The following AP3S1 variants were observed in gnomAD, a reference collection of about 807,000 sequenced individuals.
AP3S1 encodes adaptor related protein complex 3 subunit sigma 1.
A neutral mutation model predicts 21.3 loss-of-function variants in AP3S1; 12 were observed. The observed-to-expected ratio is 0.56, with a 90% confidence interval of 0.36 to 0.91. AP3S1 has a LOEUF of 0.91. AP3S1 is among the 40% of genes least tolerant of loss of function. The pLI, the probability that AP3S1 is intolerant of heterozygous loss-of-function variation, is 0.01. For synonymous variants in AP3S1, 48 were observed against 78.4 expected (o/e 0.61, Z 2.05); for missense variants, 116 against 225.0 (o/e 0.52, Z 3.10).
intron 4 of AP3S1, among the ~76,000 whole-genome samples, chr5:115,900,553 A>G (rs1751124401): frequency 6.6e-6 from 1 of 152,112 alleles, no homozygotes; most frequent in Non-Finnish European, 1.5e-5. Flanking sequence ...TTTGTTGGCG[A>G]TGGTATATAG....
chr5:115,885,952 A>G (rs979016878), intron 3 of AP3S1, among the ~76,000 whole-genome samples: 1 of 152,068 alleles, frequency 6.6e-6, no homozygotes, highest in Non-Finnish European at 1.5e-5. Flanking sequence ...GACAGTTCAA[A>G]TTTTTGCTTT....
At position 115,866,726 on chromosome 5, in the gene AP3S1, A is replaced by G; in HGVS notation, c.126A>G (p.Arg42=). The change falls in exon 2 of 6, where the codon AGA becomes AGG. Residue 42 remains arginine, a synonymous_variant. Coordinates refer to ENST00000316788, the MANE Select transcript of AP3S1 (RefSeq NM_001284.4). ...IRETFHLVSK[R]DENVCNFLEG... ...AGACTTTCCATTTGGTATCTAAGAG[A>G]GATGAAAATGTTTGTAATTTCCTAG... 6.2e-7 allele frequency: 1 copy of G among 1,605,294 alleles called. No individual in the cohort carries two copies. The highest frequency in any genetic ancestry group is 8.5e-7 in the Non-Finnish European group (1 of 1,174,786).
intron 3 of AP3S1, 29 bp downstream of exon 3, chr5:115,870,157 T>G: frequency 8.2e-7 from 1 of 1,216,620 alleles, no homozygotes; most frequent in Non-Finnish European, 1.2e-6. Context: ...CTTACTATCT[T>G]AAATAACAGT....
chr5:115,845,693 G>C (rs1762004337), intron 1 of AP3S1, among the ~76,000 whole-genome samples: 1 of 151,574 alleles, frequency 6.6e-6, no homozygotes, highest in South Asian at 2.1e-4. Flanking sequence ...AATTAGCCAG[G>C]CATGGTAGCG....
intron 3 of AP3S1, among the ~76,000 whole-genome samples, chr5:115,872,512 A>C (rs535176569): frequency 6.6e-6 from 1 of 152,108 alleles, no homozygotes. Context: ...GAACGTAAAC[A>C]TGTATATATT....
chr5:115,866,480 G>GT (rs895916583), intron 1 of AP3S1, among the ~76,000 whole-genome samples, 190 bp from the exon 2 acceptor site: 17 of 151,534 alleles, frequency 1.1e-4, no homozygotes, highest in East Asian at 1.9e-4. Context: ...AAATAATTGG[G>GT]TTTTTTTTCT....
chr5:115,898,247 A>G (rs567588643), intron 4 of AP3S1, among the ~76,000 whole-genome samples: 1 of 152,346 alleles, frequency 6.6e-6, no homozygotes, highest in African/African-American at 2.4e-5. Flanking sequence ...CACTACAAAC[A>G]TGGATCAGTA....
intron 4 of AP3S1, among the ~76,000 whole-genome samples, chr5:115,897,889 CAT>C: frequency 6.6e-6 from 1 of 152,104 alleles, no homozygotes; most frequent in East Asian, 1.9e-4. Context: ...AAAGGCAAGA[CAT>C]AGGGAGGTTT....
At chr5:115,871,050 G>T (rs1015438347) in intron 3 of AP3S1, among the ~76,000 whole-genome samples, 2 of 152,206 alleles carry the variant, frequency 1.3e-5, no homozygotes, top group Non-Finnish European at 2.9e-5. Flanking sequence ...TAGGGAACTG[G>T]AATCTTTTAT....
chr5:115,901,695 CAGACGTG>C (rs938512871), intron 4 of AP3S1, among the ~76,000 whole-genome samples: 2 of 151,984 alleles, frequency 1.3e-5, no homozygotes, highest in Non-Finnish European at 2.9e-5. Flanking sequence ...GCTGGAAGTA[CAGACGTG>C]AGGCACTATG....
At chr5:115,882,806 C>G (rs1749424814) in intron 3 of AP3S1, among the ~76,000 whole-genome samples, 1 of 152,182 alleles carries the variant, frequency 6.6e-6, no homozygotes, top group Non-Finnish European at 1.5e-5. Context: ...TCACAGCCAC[C>G]CCTTCCCCCA....
At chr5:115,903,121 TA>T (rs1162366454) in intron 5 of AP3S1, 129 bp downstream of exon 5, 20 of 667,308 alleles carry the variant, frequency 3.0e-5, no homozygotes, top group Middle Eastern at 5.0e-4. Flanking sequence ...ATTCAGTTTT[TA>T]AAAAATGGAA....
intron 3 of AP3S1, among the ~76,000 whole-genome samples, chr5:115,871,666 C>T (rs1250871243): frequency 6.6e-6 from 1 of 152,056 alleles, no homozygotes; most frequent in Non-Finnish European, 1.5e-5. Context: ...CACACCCATA[C>T]ATCTGAACAT....
At chr5:115,909,079 A>T in intron 5 of AP3S1, 1 of 634,160 alleles carries the variant, frequency 1.6e-6, no homozygotes, top group Non-Finnish European at 1.9e-6. Context: ...ATTATGCTGT[A>T]TTCAAACTTG....
At chr5:115,861,552 A>G (rs1055531602) in intron 1 of AP3S1, among the ~76,000 whole-genome samples, 3 of 152,072 alleles carry the variant, frequency 2.0e-5, no homozygotes, top group African/African-American at 7.2e-5. Context: ...TTAAAAAGTT[A>G]TTATTAAAAA....
chr5:115,886,266 G>T (rs915897895), intron 3 of AP3S1, among the ~76,000 whole-genome samples: 1 of 152,054 alleles, frequency 6.6e-6, no homozygotes, highest in Non-Finnish European at 1.5e-5. Context: ...ACACAGGTTT[G>T]AACTGTGTGG....
chr5:115,890,044 C>T (rs1240209334), intron 3 of AP3S1, among the ~76,000 whole-genome samples: 2 of 151,644 alleles, frequency 1.3e-5, no homozygotes. Flanking sequence ...TCATATACTG[C>T]TATTTAAAGT....
chr5:115,850,535 G>C (rs1762369554), intron 1 of AP3S1, among the ~76,000 whole-genome samples: 1 of 151,968 alleles, frequency 6.6e-6, no homozygotes, highest in Admixed American at 6.5e-5. Context: ...CCTTCTCCTA[G>C]TACCTGGCAA....
intron 3 of AP3S1, among the ~76,000 whole-genome samples, chr5:115,893,563 G>C (rs538298848): frequency 6.6e-5 from 10 of 152,254 alleles, no homozygotes; most frequent in African/African-American, 2.4e-4. Context: ...CTAACCCTAC[G>C]TTGTTCAAGG....
Sources: gnomAD v4.1 joint callset for allele counts (sites outside exome capture counted in the v4.1 genomes callset) on GRCh38, gnomAD v4.1.1 for gene constraint, MANE v1.5 for transcripts, NCBI Gene and HGNC (gene_info 2026-07-23, HGNC 2026-07-21) for gene names.